Variants in AGBL1 observed in about 807,000 individuals in gnomAD.
The protein encoded by AGBL1 is cytosolic carboxypeptidase 4.
A neutral mutation model predicts 118.9 loss-of-function variants in AGBL1; 130 were observed. The observed-to-expected ratio is 1.09, with a 90% CI of 0.95 to 1.26. The LOEUF (loss-of-function observed/expected upper bound fraction) is 1.26, where lower values mean the gene tolerates loss of function less well. Ranked by LOEUF, AGBL1 falls within the 50% of genes most tolerant of loss-of-function variation. The pLI, the probability that AGBL1 is intolerant of heterozygous loss-of-function variation, is 0.00. For synonymous variants in AGBL1, 555 were observed against 478.9 expected (o/e 1.16, Z -2.08); for missense variants, 1,584 against 1,298.1 (o/e 1.22, Z -3.38).
intron 18 of AGBL1, among the ~76,000 whole-genome samples, chr15:86,512,379 T>C (rs1025403791): frequency 2.6e-5 from 4 of 151,974 alleles, no homozygotes; most frequent in African/African-American, 9.7e-5. Context: ...ATTTGAAAAA[T>C]CAGTTTTTCT....
In AGBL1 at chr15:86,212,623, C is replaced by T. The variant is rs572185508; in HGVS notation, c.489-12291C>T. ...AACTTCATTGGTACTAAATCCCATC[C>T]TTTAAAGAAGTGGGATTGACAGTTA... On this transcript the variant is annotated intron_variant, in intron 5 of 22. Transcript: ENST00000614907. Among the ~76,000 whole-genome samples the T allele has an allele frequency of 4.0e-4, 61 of 152,310 alleles. No individual in the cohort carries two copies. The South Asian group carries it at 0.012, about 30-fold the overall frequency.
intron 1 of AGBL1, among the ~76,000 whole-genome samples, chr15:86,087,956 G>T (rs1420995747): frequency 1.3e-5 from 2 of 152,272 alleles, no homozygotes; most frequent in Non-Finnish European, 2.9e-5. Flanking sequence ...CTGGCCAAAA[G>T]GGTGCAGAAC....
intron 17 of AGBL1, among the ~76,000 whole-genome samples, chr15:86,335,332 G>C (rs1289768728): frequency 6.6e-6 from 1 of 152,056 alleles, no homozygotes; most frequent in African/African-American, 2.4e-5. Context: ...TAGAGATGGG[G>C]TTTCACTGTG....
chr15:86,539,869 A>G (rs2083471394), intron 19 of AGBL1, among the ~76,000 whole-genome samples: 2 of 152,194 alleles, frequency 1.3e-5, no homozygotes, highest in Non-Finnish European at 1.5e-5. Flanking sequence ...AACGCTGCTT[A>G]TCTCTACTTC....
intron 22 of AGBL1, among the ~76,000 whole-genome samples, chr15:86,789,438 T>C (rs919584884): frequency 4.6e-5 from 7 of 152,202 alleles, no homozygotes; most frequent in African/African-American, 1.4e-4. Flanking sequence ...GTTTAAATTT[T>C]TCTTTGCTGG....
At chr15:86,817,632 CACACACACACACACAG>C (rs2078883105) in intron 22 of AGBL1, among the ~76,000 whole-genome samples, 1 of 145,752 alleles carries the variant, frequency 6.9e-6, no homozygotes, top group African/African-American at 2.5e-5. Context: ...GGCATACACA[CACACACACACACACAG>C]ACACACACAC....
intron 18 of AGBL1, among the ~76,000 whole-genome samples, chr15:86,455,199 C>T (rs1933736395): frequency 6.6e-6 from 1 of 152,096 alleles, no homozygotes; most frequent in Non-Finnish European, 1.5e-5. Context: ...TAATGCTGTG[C>T]CAGTATGTCT....
rs572153537 is a variant in AGBL1, at chr15:86,770,317, G to C, written c.3158+95881G>C. Among the ~76,000 whole-genome samples the C allele has an allele frequency of 1.4e-3, 218 of 151,906 alleles. 1 individual carries two copies. Among genetic ancestry groups the C allele is most frequent in the African/African-American group, 4.9e-3 (204 of 41,468 alleles). On this transcript the variant is annotated intron_variant, in intron 22 of 22. Coordinates refer to ENST00000614907, the MANE Select transcript of AGBL1 (RefSeq NM_001386094.1). The stretch of plus-strand genomic sequence containing the variant: ...GTGGTCCCTCCATGGGGTTGATTTT[G>C]CATCCCCGCACAGGAGACATTTGGC...
At chr15:86,557,269 C>T (rs1047569943) in intron 21 of AGBL1, among the ~76,000 whole-genome samples, 13 of 152,114 alleles carry the variant, frequency 8.5e-5, no homozygotes, top group South Asian at 2.1e-4. Context: ...TTTGGGGGCT[C>T]ATTTTTTTAG....
intron 18 of AGBL1, among the ~76,000 whole-genome samples, chr15:86,410,952 G>T (rs536974973): frequency 4.8e-4 from 50 of 104,468 alleles, no homozygotes; most frequent in African/African-American, 1.1e-3. Flanking sequence ...TATATATATA[G>T]AGAGAGATCT....
At chr15:86,168,108 T>A (rs1203091598) in intron 5 of AGBL1, among the ~76,000 whole-genome samples, 1 of 152,220 alleles carries the variant, frequency 6.6e-6, no homozygotes, top group East Asian at 1.9e-4. Context: ...ATTGTGGGGC[T>A]TTTATTATTG....
intron 22 of AGBL1, among the ~76,000 whole-genome samples, chr15:86,750,475 G>T (rs1040635333): frequency 1.3e-5 from 2 of 150,478 alleles, no homozygotes; most frequent in African/African-American, 4.8e-5. Flanking sequence ...TTGTCTTATG[G>T]CTAGATCATC....
intron 6 of AGBL1, among the ~76,000 whole-genome samples, chr15:86,227,643 C>A (rs2078388534): frequency 6.6e-6 from 1 of 152,256 alleles, no homozygotes; most frequent in South Asian, 2.1e-4. Flanking sequence ...TGGGTACACA[C>A]ATGAGCTGAA....
intron 21 of AGBL1, among the ~76,000 whole-genome samples, chr15:86,557,427 A>C (rs892749582): frequency 2.0e-5 from 3 of 152,140 alleles, no homozygotes; most frequent in African/African-American, 4.8e-5. Flanking sequence ...GAGTCCCTTT[A>C]CCCAAGCAGG....
Position 86,562,648 on chromosome 15 carries a change from C to T in AGBL1, c.2994+8111C>T, listed in dbSNP as rs140020385. ...GCCAGGCTTTGGTAGCAGGATGATG[C>T]TGGCCTCATAAAATGAGTTAGGGAG... On this transcript the variant is annotated intron_variant, in intron 21 of 22. Coordinates refer to ENST00000614907, the MANE Select transcript of AGBL1 (RefSeq NM_001386094.1). Among the ~76,000 whole-genome samples, 993 of 152,286 alleles carry T rather than the reference C, an allele frequency of 6.5e-3. 10 individuals are homozygous for T. Among genetic ancestry groups the T allele is most frequent in the African/African-American group, 0.022 (912 of 41,554 alleles).
At chr15:86,543,261 C>T (rs1464927653) in intron 19 of AGBL1, among the ~76,000 whole-genome samples, 1 of 152,158 alleles carries the variant, frequency 6.6e-6, no homozygotes, top group Non-Finnish European at 1.5e-5. Context: ...CATACTGCTT[C>T]CTCTCTACTA....
chr15:86,809,757 C>T (rs1456924851), intron 22 of AGBL1, among the ~76,000 whole-genome samples: 4 of 152,118 alleles, frequency 2.6e-5, no homozygotes, highest in Admixed American at 6.6e-5. Context: ...AGAACCCATT[C>T]ATCTATATTA....
At chr15:86,750,906 C>T (rs1440626547) in intron 22 of AGBL1, among the ~76,000 whole-genome samples, 4 of 152,018 alleles carry the variant, frequency 2.6e-5, no homozygotes, top group Non-Finnish European at 4.4e-5. Flanking sequence ...TTCTCTGTTC[C>T]TGCATTAGTT....
At chr15:86,235,568 C>T (rs2078527366) in intron 6 of AGBL1, among the ~76,000 whole-genome samples, 1 of 152,142 alleles carries the variant, frequency 6.6e-6, no homozygotes, top group Admixed American at 6.5e-5. Context: ...TACATCATGG[C>T]TTCCTCATCA....
Sources: gnomAD v4.1 joint callset for allele counts (sites outside exome capture counted in the v4.1 genomes callset) on GRCh38, gnomAD v4.1.1 for gene constraint, MANE v1.5 for transcripts, NCBI Gene and HGNC (gene_info 2026-07-23, HGNC 2026-07-21) for gene names.